The following ATP12A variants were observed in gnomAD, a reference collection of about 807,000 sequenced individuals.
ATP12A encodes the protein ATPase H+/K+ transporting non-gastric alpha2 subunit.
Under a neutral mutation model 111.2 loss-of-function variants are expected in ATP12A, and 81 were observed. The ratio of observed to expected loss-of-function variants is 0.73; its 90% confidence interval spans 0.61 to 0.88. The LOEUF is 0.88. Among genes scored for constraint, ATP12A ranks in the 40% least tolerant of loss-of-function variants. The pLI is 0.00. For synonymous variants in ATP12A, 498 were observed against 499.8 expected, an observed-to-expected ratio of 1.00 and a Z score of 0.05; for missense variants, 1,196 against 1,313.1, an observed-to-expected ratio of 0.91 and a Z score of 1.38.
Position 24,709,454 on chromosome 13 carries a change from C to T in ATP12A, c.2584C>T (p.Gln862Ter). 1 of 1,613,976 alleles carries T rather than the reference C, an allele frequency of 6.2e-7. No homozygotes were observed. Among genetic ancestry groups the T allele is most frequent in the Non-Finnish European group, 8.5e-7 (1 of 1,179,996 alleles). The change falls in exon 18 of 23, where the codon CAG becomes TAG. Residue 862 changes from glutamine (Q) to a stop codon, truncating the protein, a stop_gained. Coordinates refer to ENST00000381946, the MANE Select transcript of ATP12A (RefSeq NM_001676.7). LOFTEE classifies it high-confidence loss of function. ...RHKNKDRLVN[Q>*]PLAVYSYLHI... is the part of the protein sequence containing the mutation. ...CAAGAATAAGGACAGGCTGGTGAAC[C>T]AGCCGCTCGCTGTGTACTCATACCT...
At chr13:24,708,961 G>GAA (rs879357811) in intron 17 of ATP12A, among the ~76,000 whole-genome samples, 3 of 118,200 alleles carry the variant, frequency 2.5e-5, no homozygotes, top group Non-Finnish European at 5.7e-5. Flanking sequence ...AAGAAAGAAA[G>GAA]AAGGAAAGAG....
At chr13:24,708,963 AG>A (rs1875829071) in intron 17 of ATP12A, among the ~76,000 whole-genome samples, 8 of 109,812 alleles carry the variant, frequency 7.3e-5, no homozygotes, top group East Asian at 3.0e-4. Flanking sequence ...GAAAGAAAGA[AG>A]GAAAGAGAAA....
At chr13:24,709,919 A>C in intron 19 of ATP12A, 91 bp downstream of exon 19, 1 of 1,545,094 alleles carries the variant, frequency 6.5e-7, no homozygotes, top group South Asian at 1.2e-5. Context: ...CATGTCCCTG[A>C]ACAGCCTGGG....
At chr13:24,687,413 G>A (rs1389283613) in intron 3 of ATP12A, among the ~76,000 whole-genome samples, 2 of 152,212 alleles carry the variant, frequency 1.3e-5, no homozygotes, top group Non-Finnish European at 1.5e-5. Context: ...GCAGTGAGAC[G>A]AGATCGCACC....
intron 5 of ATP12A, 103 bp from the exon 6 acceptor site, chr13:24,690,235 G>A: frequency 1.3e-6 from 2 of 1,524,660 alleles, no homozygotes; most frequent in East Asian, 4.5e-5. Context: ...GAGTGATCAG[G>A]AAGTTCCAAG....
At chr13:24,691,451 T>G (rs1874901575) in intron 8 of ATP12A, among the ~76,000 whole-genome samples, 1 of 152,232 alleles carries the variant, frequency 6.6e-6, no homozygotes, top group Non-Finnish European at 1.5e-5. Context: ...TGACTGCGTT[T>G]TCCTTGAAAA....
chr13:24,698,162 C>G (rs183535196), intron 11 of ATP12A, among the ~76,000 whole-genome samples: 2 of 152,152 alleles, frequency 1.3e-5, no homozygotes, highest in East Asian at 3.9e-4. Context: ...TGGAAGTGTC[C>G]ACTTCCTCAC....
At chr13:24,694,274 G>A (rs898449091) in intron 10 of ATP12A, among the ~76,000 whole-genome samples, 170 bp from the exon 11 acceptor site, 23 of 152,148 alleles carry the variant, frequency 1.5e-4, no homozygotes, top group African/African-American at 5.6e-4. Flanking sequence ...CCAGTAGGTG[G>A]CACTGTTGTT....
chr13:24,688,420 G>A lies in ATP12A; in HGVS notation c.330G>A (p.Gln110=), dbSNP rs2137693715. ...QTPEIVKFLK[Q]MVGGFSILLW... ...CTGAGATCGTCAAGTTCCTCAAGCA[G>A]ATGGTGGGGGGGTTCTCTATCCTCC... The change falls in exon 4 of 23, where the codon CAG becomes CAA. Residue 110 remains glutamine (Q), a synonymous_variant. Transcript: ENST00000381946. 2.5e-6 allele frequency: 4 copies of A among 1,614,182 alleles called. No homozygotes were observed. In the South Asian group the frequency reaches 3.3e-5, roughly 13 times the overall value.
chr13:24,705,724 T>C (rs572582385), intron 14 of ATP12A, among the ~76,000 whole-genome samples: 2 of 152,276 alleles, frequency 1.3e-5, no homozygotes, highest in South Asian at 4.1e-4. Flanking sequence ...GGCTTGAGTG[T>C]AGTGGCATGA....
chr13:24,684,656 A>G (rs1202432891), intron 2 of ATP12A, among the ~76,000 whole-genome samples: 2 of 152,248 alleles, frequency 1.3e-5, no homozygotes, highest in Non-Finnish European at 2.9e-5. Flanking sequence ...GGTGGAGCCC[A>G]CAACAAAGAA....
chr13:24,698,979 G>A lies in ATP12A; in HGVS notation c.1705+129G>A, dbSNP rs959470465. The A allele has an allele frequency of 4.7e-5, 56 of 1,186,216 alleles. No individual in the cohort carries two copies. In the Admixed American group the frequency reaches 1.4e-3, roughly 30 times the overall value. The allele number at this position is 1,186,216 out of a possible 1,614,324, so 73.5% of individuals were successfully genotyped here. The stretch of plus-strand genomic sequence containing the variant: ...AAGCATGTAAAGGAGAACATGATAA[G>A]CAGGATGGGAACAAGGAGAGGATGC... On this transcript the variant is annotated intron_variant, in intron 12 of 22. Coordinates refer to ENST00000381946, the MANE Select transcript of ATP12A (RefSeq NM_001676.7).
At chr13:24,711,024 CTG>C (rs1875945945) in intron 21 of ATP12A, 131 bp downstream of exon 21, 1 of 859,714 alleles carries the variant, frequency 1.2e-6, no homozygotes, top group African/African-American at 1.7e-5. Context: ...ATCCCATGCT[CTG>C]TGAGCCCAAA....
rs61739266 is a variant in ATP12A, at chr13:24,691,073, G to T, written c.891G>T (p.Thr297=). 6.8e-6 allele frequency: 11 copies of T among 1,614,212 alleles called. No individual in the cohort carries two copies. Among genetic ancestry groups the T allele is most frequent in the East Asian group, 2.2e-5 (1 of 44,884 alleles). Residue 297 remains threonine (T), a synonymous_variant, in exon 8 of 23, where the codon ACG becomes ACT. Coordinates refer to ENST00000381946, the MANE Select transcript of ATP12A (RefSeq NM_001676.7). ...CCTCAGGAGTTGGAAATGAGAAGAC[G>T]CCCATTGCCATTGAGATCGAGCACT... The part of the protein sequence containing the change: ...SLASGVGNEK[T]PIAIEIEHFV...
intron 11 of ATP12A, among the ~76,000 whole-genome samples, chr13:24,695,829 G>A (rs1190255479): frequency 1.3e-5 from 2 of 151,954 alleles, no homozygotes; most frequent in African/African-American, 4.8e-5. Flanking sequence ...GGCTGGCCTC[G>A]AACTCCTGAC....
Position 24,700,848 on chromosome 13 carries a change from C to G in ATP12A, c.1807C>G (p.Leu603Val). Residue 603 changes from leucine to valine, a missense_variant, in exon 13 of 23, where the codon CTC becomes GTC. Physicochemically the swap from Leu to Val is conservative, Grantham distance 32. This residue lies in a region of ATP12A where 1,126 missense variants were observed against 1,228.5 expected (regional missense o/e 0.92). Coordinates refer to ENST00000381946, the MANE Select transcript of ATP12A (RefSeq NM_001676.7). ...FPTSNLCFVG[L>V]LSMIDPPRST... ...GACCTCCAACCTCTGTTTTGTGGGA[C>G]TCTTGTCAATGATCGATCCCCCTCG... The G allele has an allele frequency of 1.9e-6, 3 of 1,614,180 alleles. No individual in the cohort carries two copies. The highest frequency in any genetic ancestry group is 2.5e-6 in the Non-Finnish European group (3 of 1,180,034).
In ATP12A at chr13:24,698,660, C is replaced by A; in HGVS notation, c.1515C>A (p.Leu505=). 1 of 1,613,148 alleles carries A rather than the reference C, an allele frequency of 6.2e-7. No homozygotes were observed. The highest frequency in any genetic ancestry group is 8.5e-7 in the Non-Finnish European group (1 of 1,179,914). Residue 505 remains leucine (L), a splice_region_variant and synonymous_variant, in exon 12 of 23, where the codon CTC becomes CTA. Coordinates refer to ENST00000381946, the MANE Select transcript of ATP12A (RefSeq NM_001676.7). The part of the protein sequence containing the change: ...IPFNSTNKFQ[L]SIHEMDDPHG... ...ACGCTCAGTTCATTCCTTCCCAGCT[C>A]TCCATCCACGAGATGGATGACCCCC...
At chr13:24,702,825 C>T (rs1434115941) in intron 14 of ATP12A, among the ~76,000 whole-genome samples, 2 of 152,128 alleles carry the variant, frequency 1.3e-5, no homozygotes, top group East Asian at 3.9e-4. Context: ...AATGAGGGAG[C>T]CACACAAGGC....
rs773124552 is a variant in ATP12A at position 24,711,490 on chromosome 13, A to G, written c.3092-4A>G. ...TTCTGATGTACTTTTTTCTACCTCT[A>G]CAGGCTGGTGGGATAAGAACATGTA... is the stretch of plus-strand genomic sequence containing the variant. On this transcript the variant is annotated splice_region_variant and splice_polypyrimidine_tract_variant and intron_variant, in intron 22 of 22. Coordinates refer to ENST00000381946, the MANE Select transcript of ATP12A (RefSeq NM_001676.7). The G allele has an allele frequency of 8.4e-5, 136 of 1,614,014 alleles. No homozygotes were observed. The highest frequency in any genetic ancestry group is 3.3e-4 in the Middle Eastern group (2 of 6,084).
Sources: allele counts gnomAD v4.1 joint callset (sites outside exome capture counted in the v4.1 genomes callset), GRCh38; gene constraint gnomAD v4.1.1; regional missense constraint gnomAD v4.1.1; transcripts MANE v1.5; gene names NCBI Gene and HGNC (gene_info 2026-07-23, HGNC 2026-07-21).